Variants in FGF14 observed in about 807,000 individuals in gnomAD.
The protein encoded by FGF14 is fibroblast growth factor homologous factor 4.
Under a neutral mutation model 25.5 loss-of-function variants are expected in FGF14, and 5 were observed. The ratio of observed to expected loss-of-function variants is 0.20; its 90% confidence interval spans 0.10 to 0.41. FGF14 has a LOEUF of 0.41. Among genes scored for constraint, FGF14 ranks in the 10% least tolerant of loss-of-function variants. FGF14 has a pLI of 1.00. For synonymous variants in FGF14, 138 were observed against 118.3 expected (o/e 1.17, Z -1.08); for missense variants, 222 against 320.1 (o/e 0.69, Z 2.34).
intron 3 of FGF14, among the ~76,000 whole-genome samples, chr13:101,841,070 A>T (rs1009218696): frequency 3.3e-5 from 5 of 151,990 alleles, no homozygotes; most frequent in African/African-American, 9.7e-5. Context: ...GAAATCAGGG[A>T]AGTCCAAGTT....
At chr13:102,110,481 T>C (rs754934424) in intron 1 of FGF14, among the ~76,000 whole-genome samples, 2 of 152,184 alleles carry the variant, frequency 1.3e-5, no homozygotes, top group African/African-American at 2.4e-5. Flanking sequence ...TAAGGAACGT[T>C]TTACTGGAGT....
chr13:102,200,838 C>G (rs192289034), intron 1 of FGF14, among the ~76,000 whole-genome samples: 6 of 152,150 alleles, frequency 3.9e-5, no homozygotes, highest in Admixed American at 2.6e-4. Flanking sequence ...GGCGGTAGCT[C>G]ATGCCTGTAA....
chr13:101,991,985 C>T (rs1043902367), intron 1 of FGF14, among the ~76,000 whole-genome samples: 1 of 152,024 alleles, frequency 6.6e-6, no homozygotes, highest in Non-Finnish European at 1.5e-5. Flanking sequence ...AAGCATAACC[C>T]ATGTAAAGAA....
chr13:102,384,948 TTTACATAAAAGA>T (rs530368591), intron 1 of FGF14, among the ~76,000 whole-genome samples: 116 of 152,310 alleles, frequency 7.6e-4, no homozygotes, highest in African/African-American at 2.6e-3. Context: ...CTTTTGTTCT[TTTACATAAAAGA>T]TTAATAAGGA....
intron 1 of FGF14, among the ~76,000 whole-genome samples, chr13:102,035,324 T>C (rs1056556135): frequency 2.6e-5 from 4 of 152,154 alleles, no homozygotes; most frequent in Non-Finnish European, 5.9e-5. Context: ...AGCCATGTGT[T>C]TGGATGAAGA....
chr13:102,044,348 T>C (rs185691542), intron 1 of FGF14, among the ~76,000 whole-genome samples: 1 of 148,362 alleles, frequency 6.7e-6, no homozygotes, highest in Non-Finnish European at 1.5e-5. Context: ...CTGCAAAAGA[T>C]GATTGCAATG....
chr13:101,858,030 T>C (rs1430259199), intron 3 of FGF14, among the ~76,000 whole-genome samples: 1 of 152,016 alleles, frequency 6.6e-6, no homozygotes, highest in Non-Finnish European at 1.5e-5. Flanking sequence ...TTGTTTTACA[T>C]ATTTTTGTGA....
intron 3 of FGF14, among the ~76,000 whole-genome samples, chr13:101,853,011 T>C (rs2043936275): frequency 1.3e-5 from 2 of 152,078 alleles, no homozygotes; most frequent in Admixed American, 1.3e-4. Flanking sequence ...AATAGGCAGA[T>C]ACTTGGAAAG....
chr13:102,275,234 T>TTCTCCCTCTCTCTCTCTC (rs2053455274), intron 1 of FGF14, among the ~76,000 whole-genome samples: 3 of 67,490 alleles, frequency 4.4e-5, no homozygotes, highest in East Asian at 7.3e-4. Flanking sequence ...TTAGGCAGAT[T>TTCTCCCTCTCTCTCTCTC]TCTCTCTCTC....
At chr13:102,341,455 G>A (rs1185256592) in intron 1 of FGF14, among the ~76,000 whole-genome samples, 2 of 152,136 alleles carry the variant, frequency 1.3e-5, no homozygotes, top group African/African-American at 4.8e-5. Context: ...GAAGACAATA[G>A]CAGGCTTTGA....
chr13:102,042,890 A>G (rs2041809132), intron 1 of FGF14, among the ~76,000 whole-genome samples: 1 of 152,190 alleles, frequency 6.6e-6, no homozygotes, highest in Admixed American at 6.5e-5. Flanking sequence ...GGCTTTGCGT[A>G]TTGTAGAATA....
chr13:101,943,585 G>C (rs993160689), intron 1 of FGF14, among the ~76,000 whole-genome samples: 1 of 152,124 alleles, frequency 6.6e-6, no homozygotes, highest in South Asian at 2.1e-4. Context: ...TGTAGAATAA[G>C]AGAAGCTGGG....
intron 1 of FGF14, among the ~76,000 whole-genome samples, chr13:101,924,731 A>G (rs1024403192): frequency 6.6e-6 from 1 of 152,344 alleles, no homozygotes. Context: ...CAGAAGAGGC[A>G]ATTAAGCCCC....
intron 3 of FGF14, among the ~76,000 whole-genome samples, chr13:101,854,723 T>C (rs1211197173): frequency 6.6e-6 from 1 of 152,066 alleles, no homozygotes; most frequent in Non-Finnish European, 1.5e-5. Context: ...TTCAATCTTT[T>C]GAGCTGGGCA....
intron 1 of FGF14, among the ~76,000 whole-genome samples, chr13:102,014,712 T>C (rs59864780): frequency 1.3e-5 from 2 of 152,148 alleles, no homozygotes; most frequent in Non-Finnish European, 2.9e-5. Flanking sequence ...TTATTTCGTA[T>C]GTAAATGATT....
intron 3 of FGF14, among the ~76,000 whole-genome samples, chr13:101,817,407 C>A (rs548377701): frequency 6.6e-6 from 1 of 152,144 alleles, no homozygotes; most frequent in South Asian, 2.1e-4. Flanking sequence ...AAAATGTAAA[C>A]ACTGATTACT....
intron 3 of FGF14, among the ~76,000 whole-genome samples, chr13:101,861,875 C>T (rs1237350487): frequency 6.6e-6 from 1 of 152,146 alleles, no homozygotes; most frequent in African/African-American, 2.4e-5. Context: ...CTGCTGACAT[C>T]CCTTTCCACT....
chr13:102,267,478 T>C (rs1356202315), intron 1 of FGF14, among the ~76,000 whole-genome samples: 2 of 152,136 alleles, frequency 1.3e-5, no homozygotes, highest in African/African-American at 4.8e-5. Flanking sequence ...TAGACAAAAA[T>C]AATAATTTTT....
At chr13:101,809,409 C>T (rs2041372954) in intron 3 of FGF14, among the ~76,000 whole-genome samples, 1 of 152,122 alleles carries the variant, frequency 6.6e-6, no homozygotes, top group African/African-American at 2.4e-5. Context: ...CTCCCAGGTG[C>T]AGGCTATGAA....
Sources: gnomAD v4.1 joint callset for allele counts (sites outside exome capture counted in the v4.1 genomes callset) on GRCh38, gnomAD v4.1.1 for gene constraint, MANE v1.5 for transcripts, NCBI Gene and HGNC (gene_info 2026-07-23, HGNC 2026-07-21) for gene names.